Variants in AKAP6 observed in about 807,000 individuals in gnomAD.
The protein encoded by AKAP6 is A-kinase anchoring protein 6.
In AKAP6, 58 loss-of-function variants were observed where a neutral mutation model predicts 188.5. That is an observed-to-expected ratio of 0.31 (90% CI 0.25 to 0.38). The LOEUF is 0.38. Among genes scored for constraint, AKAP6 ranks in the 10% least tolerant of loss-of-function variants. The pLI, the probability that AKAP6 is intolerant of heterozygous loss-of-function variation, is 1.00. For missense variants in AKAP6, 2,710 were observed against 2,740.0 expected, an observed-to-expected ratio of 0.99 and a Z score of 0.24; for synonymous variants, 989 against 998.6, an observed-to-expected ratio of 0.99 and a Z score of 0.18.
At position 32,535,731 on chromosome 14, in the gene AKAP6, G is replaced by A; in HGVS notation, c.502G>A (p.Gly168Ser). 6.2e-7 allele frequency: 1 copy of A among 1,614,222 alleles called. No homozygotes were observed. Among genetic ancestry groups the A allele is most frequent in the South Asian group, 1.1e-5 (1 of 91,088 alleles). Residue 168 changes from glycine to serine, a missense_variant, in exon 3 of 14, where the codon GGT becomes AGT. Physicochemically the swap from Gly to Ser is moderately conservative, Grantham distance 56. Coordinates refer to ENST00000280979, the MANE Select transcript of AKAP6 (RefSeq NM_004274.5). The stretch of plus-strand genomic sequence containing the variant: ...GGTTCTGCGGGAGCGCATTCTGCAA[G>A]GTCTGCAGGACGCCAATGGCAACTA... ...VLVLRERILQ[G>S]LQDANGNYTR...
At chr14:32,422,632 C>T (rs1255104771) in intron 1 of AKAP6, among the ~76,000 whole-genome samples, 1 of 152,138 alleles carries the variant, frequency 6.6e-6, no homozygotes, top group African/African-American at 2.4e-5. Flanking sequence ...ACATGGTTGC[C>T]CAAAGCCTCA....
intron 1 of AKAP6, among the ~76,000 whole-genome samples, chr14:32,397,598 T>G (rs1888923717): frequency 6.6e-6 from 1 of 152,144 alleles, no homozygotes; most frequent in African/African-American, 2.4e-5. Flanking sequence ...GCATATGACT[T>G]GAATATCTTT....
In AKAP6 at chr14:32,362,744, A is replaced by C. The variant is rs933898644; in HGVS notation, c.-35+33336A>C. Among the ~76,000 whole-genome samples the C allele has an allele frequency of 1.2e-4, 18 of 152,282 alleles. No individual in the cohort carries two copies. In the South Asian group the frequency reaches 2.5e-3, roughly 21 times the overall value. On this transcript the variant is annotated intron_variant, in intron 1 of 13. Transcript: ENST00000280979. The stretch of plus-strand genomic sequence containing the variant: ...GAGGTGAGTTGGAGCCATCCTAAGG[A>C]GTTAAGACTTTATCCTACTGAATAG...
At chr14:32,626,392 C>T (rs780653375) in intron 7 of AKAP6, among the ~76,000 whole-genome samples, 14 of 151,986 alleles carry the variant, frequency 9.2e-5, no homozygotes, top group Non-Finnish European at 1.3e-4. Flanking sequence ...ATCACTCTAC[C>T]TTCATTGTCA....
chr14:32,433,847 TAG>T, intron 2 of AKAP6, 30 bp downstream of exon 2: 2 of 1,584,552 alleles, frequency 1.3e-6, no homozygotes, highest in Non-Finnish European at 8.6e-7. Flanking sequence ...CCTCTCAGGA[TAG>T]AAGTTTTCAA....
intron 12 of AKAP6, among the ~76,000 whole-genome samples, chr14:32,811,809 A>G (rs2034243869): frequency 6.6e-6 from 1 of 152,104 alleles, no homozygotes; most frequent in Non-Finnish European, 1.5e-5. Flanking sequence ...ATGTTGGCAA[A>G]GCTCTCCTTG....
chr14:32,737,176 G>C (rs538107448), intron 11 of AKAP6, among the ~76,000 whole-genome samples: 1 of 152,148 alleles, frequency 6.6e-6, no homozygotes, highest in Non-Finnish European at 1.5e-5. Flanking sequence ...TTTATGACTT[G>C]AAACTAGTTC....
At chr14:32,347,058 C>T (rs1022082775) in intron 1 of AKAP6, among the ~76,000 whole-genome samples, 7 of 152,270 alleles carry the variant, frequency 4.6e-5, no homozygotes, top group African/African-American at 1.7e-4. Flanking sequence ...GAACTCTCAG[C>T]TCTATTTTGT....
chr14:32,797,904 A>C (rs1303271482), intron 12 of AKAP6, among the ~76,000 whole-genome samples: 1 of 149,498 alleles, frequency 6.7e-6, no homozygotes, highest in African/African-American at 2.5e-5. Flanking sequence ...GAACCTAATT[A>C]AATTAAAATG....
At chr14:32,445,899 G>A (rs1890738881) in intron 2 of AKAP6, among the ~76,000 whole-genome samples, 1 of 152,040 alleles carries the variant, frequency 6.6e-6, no homozygotes. Context: ...TAAATAATTG[G>A]CAGATCTTCC....
intron 7 of AKAP6, among the ~76,000 whole-genome samples, chr14:32,616,472 G>A (rs1886587106): frequency 6.6e-6 from 1 of 152,092 alleles, no homozygotes; most frequent in Non-Finnish European, 1.5e-5. Flanking sequence ...CGGATCTGGA[G>A]GCCATTATCC....
chr14:32,618,422 C>T (rs1886674731), intron 7 of AKAP6, among the ~76,000 whole-genome samples: 3 of 152,306 alleles, frequency 2.0e-5, no homozygotes, highest in South Asian at 4.1e-4. Flanking sequence ...AGCTTAGCCC[C>T]CACTTACAAG....
intron 4 of AKAP6, among the ~76,000 whole-genome samples, chr14:32,562,820 A>G (rs1884012408): frequency 6.6e-6 from 1 of 152,198 alleles, no homozygotes; most frequent in Admixed American, 6.5e-5. Context: ...TCTGTAGTGT[A>G]GTAATCACAT....
chr14:32,387,604 G>T (rs1163898069), intron 1 of AKAP6, among the ~76,000 whole-genome samples: 1 of 151,046 alleles, frequency 6.6e-6, no homozygotes, highest in African/African-American at 2.4e-5. Context: ...AGACGATCAT[G>T]TGATTTTTGT....
intron 7 of AKAP6, among the ~76,000 whole-genome samples, chr14:32,664,274 G>A (rs1029864175): frequency 6.6e-6 from 1 of 152,100 alleles, no homozygotes; most frequent in Non-Finnish European, 1.5e-5. Context: ...AAGCAGCAGT[G>A]ATGATCAATC....
chr14:32,823,182 C>A lies in AKAP6; in HGVS notation c.5369C>A (p.Thr1790Asn), dbSNP rs2034578670. The A allele has an allele frequency of 6.2e-7, 1 of 1,613,704 alleles. No individual in the cohort carries two copies. The highest frequency in any genetic ancestry group is 8.5e-7 in the Non-Finnish European group (1 of 1,179,878). Residue 1790 changes from threonine (T) to asparagine (N), a missense_variant, in exon 13 of 14, where the codon ACC becomes AAC. Transcript: ENST00000280979. ...GATGATGAAATTTATGAAGACTGCA[C>A]CTTGATGTCAGGGCTAGACTACATA... Reference protein sequence around the residue: ...ATDDEIYEDCTLMSGLDYIKN... With the variant: ...ATDDEIYEDCNLMSGLDYIKN...
chr14:32,446,369 C>G (rs545097804), intron 2 of AKAP6, among the ~76,000 whole-genome samples: 71 of 152,158 alleles, frequency 4.7e-4, no homozygotes, highest in African/African-American at 1.6e-3. Context: ...TGAATCTAAA[C>G]TTTGTATGGA....
chr14:32,538,551 T>C (rs1882785910), intron 3 of AKAP6, among the ~76,000 whole-genome samples: 1 of 147,102 alleles, frequency 6.8e-6, no homozygotes, highest in African/African-American at 2.6e-5. Context: ...GCAGACCATA[T>C]CTAGTAAAAA....
chr14:32,522,876 G>A (rs144221942), intron 2 of AKAP6, among the ~76,000 whole-genome samples: 8 of 151,984 alleles, frequency 5.3e-5, no homozygotes, highest in Admixed American at 3.3e-4. Context: ...ACATGCACAC[G>A]TTATGTTTAA....
Sources: allele counts gnomAD v4.1 joint callset (sites outside exome capture counted in the v4.1 genomes callset), GRCh38; gene constraint gnomAD v4.1.1; transcripts MANE v1.5; gene names NCBI Gene and HGNC (gene_info 2026-07-23, HGNC 2026-07-21).